The following NDUFA12 variants were observed in gnomAD, a reference collection of about 807,000 sequenced individuals.
The protein encoded by NDUFA12 is NADH dehydrogenase [ubiquinone] 1 alpha subcomplex subunit 12.
NDUFA12 carries 17 observed loss-of-function variants against 20.3 expected under a neutral mutation model. That is an observed-to-expected ratio of 0.84 (90% CI 0.57 to 1.26). The LOEUF is 1.26. Ranked by LOEUF, NDUFA12 falls within the 50% of genes most tolerant of loss-of-function variation. The pLI, the probability that NDUFA12 is intolerant of heterozygous loss-of-function variation, is 0.00. For missense variants in NDUFA12, 191 were observed against 183.7 expected (o/e 1.04, Z -0.23); for synonymous variants, 72 against 63.6 (o/e 1.13, Z -0.63).
chr12:95,003,567 G>A lies in NDUFA12; in HGVS notation c.86+28C>T, dbSNP rs1332965079. On this transcript the variant is annotated intron_variant, in intron 1 of 3. Coordinates refer to ENST00000327772, the MANE Select transcript of NDUFA12 (RefSeq NM_018838.5). ...CAGCCAGCGAAAGTCCAGCCCCAGA[G>A]GCCAAGAGCATGGCTCTGGCCGCCT... 3 of 1,611,662 alleles carry A rather than the reference G, an allele frequency of 1.9e-6. No homozygotes were observed. In the African/African-American group the frequency reaches 4.0e-5, roughly 22 times the overall value.
At chr12:94,985,626 CAAAAAAAA>C (rs35674364) in intron 3 of NDUFA12, among the ~76,000 whole-genome samples, 1 of 43,570 alleles carries the variant, frequency 2.3e-5, no homozygotes, top group Non-Finnish European at 4.3e-5. Context: ...GACTCCATCT[CAAAAAAAA>C]AAAAAAAAAA....
intron 2 of NDUFA12, among the ~76,000 whole-genome samples, chr12:95,002,009 A>C (rs1398317713): frequency 6.6e-6 from 1 of 151,562 alleles, no homozygotes; most frequent in Non-Finnish European, 1.5e-5. Context: ...AGCCGAATTA[A>C]TTGTTAAAAG....
At chr12:94,993,057 A>G (rs867656033) in intron 3 of NDUFA12, among the ~76,000 whole-genome samples, 1 of 152,222 alleles carries the variant, frequency 6.6e-6, no homozygotes, top group African/African-American at 2.4e-5. Context: ...AAATATTGCC[A>G]AGTTAAATAA....
intron 3 of NDUFA12, among the ~76,000 whole-genome samples, chr12:94,986,126 A>C (rs1467097312): frequency 6.7e-6 from 1 of 148,394 alleles, no homozygotes; most frequent in East Asian, 1.9e-4. Context: ...AGCTAGTCTC[A>C]GCTACTCAGG....
At chr12:94,998,614 T>C (rs1237947918) in intron 2 of NDUFA12, among the ~76,000 whole-genome samples, 2 of 152,170 alleles carry the variant, frequency 1.3e-5, no homozygotes, top group East Asian at 1.9e-4. Context: ...CTAGACCTGA[T>C]AAATAAATCC....
At chr12:94,980,739 T>C (rs11107835) in intron 3 of NDUFA12, among the ~76,000 whole-genome samples, 12,191 of 151,660 alleles carry the variant, frequency 0.08, 565 homozygotes, top group East Asian at 0.16. Context: ...TACTAAGAAA[T>C]GAACAGAAAG....
intron 3 of NDUFA12, among the ~76,000 whole-genome samples, chr12:94,979,134 A>C (rs1874152310): frequency 6.6e-6 from 1 of 151,736 alleles, no homozygotes; most frequent in South Asian, 2.1e-4. Context: ...AGGCTGAGGC[A>C]GGGGGGATGC....
chr12:94,973,946 C>G (rs7304912), intron 3 of NDUFA12, among the ~76,000 whole-genome samples: 1 of 145,906 alleles, frequency 6.9e-6, no homozygotes, highest in Non-Finnish European at 1.5e-5. Context: ...GAGAGTTTTA[C>G]TTGCAAAACA....
At chr12:95,001,312 A>G (rs147921544) in intron 2 of NDUFA12, among the ~76,000 whole-genome samples, 69 of 151,190 alleles carry the variant, frequency 4.6e-4, no homozygotes, top group Non-Finnish European at 7.2e-4. Context: ...CAAAATAACA[A>G]CAACAAAAAC....
chr12:94,987,047 C>T (rs1044125286), intron 3 of NDUFA12, among the ~76,000 whole-genome samples: 3 of 152,106 alleles, frequency 2.0e-5, no homozygotes, highest in African/African-American at 7.2e-5. Context: ...TAATTAATTT[C>T]AAAGGGAAAA....
chr12:94,979,849 AG>A (rs1168901601), intron 3 of NDUFA12, among the ~76,000 whole-genome samples: 2 of 151,406 alleles, frequency 1.3e-5, no homozygotes, highest in Non-Finnish European at 1.5e-5. Flanking sequence ...AAAAAAAAAA[AG>A]GATTAATGGA....
intron 3 of NDUFA12, 82 bp downstream of exon 3, chr12:94,994,088 C>T (rs928390418): frequency 6.5e-6 from 8 of 1,227,456 alleles, no homozygotes; most frequent in African/African-American, 1.5e-5. Flanking sequence ...CATGTCACTG[C>T]ACTCCAGCCT....
Position 94,971,596 on chromosome 12 carries a change from A to G in NDUFA12, c.282T>C (p.Thr94=), listed in dbSNP as rs1873887998. 6.2e-7 allele frequency: 1 copy of G among 1,614,064 alleles called. No individual in the cohort carries two copies. Among genetic ancestry groups the G allele is most frequent in the Non-Finnish European group, 8.5e-7 (1 of 1,180,040 alleles). ...GTGGTTTTGTTGTTGGAGGATCATC[A>G]GTCATACTGTGAAGCCAACGATGCC... is the stretch of plus-strand genomic sequence containing the variant. ...PEWHRWLHSM[T]DDPPTTKPLT... is the part of the protein sequence containing the mutation. The change falls in exon 4 of 4, where the codon ACT becomes ACC. Residue 94 remains threonine (T), a synonymous_variant. Coordinates refer to ENST00000327772, the MANE Select transcript of NDUFA12 (RefSeq NM_018838.5).
chr12:94,982,687 A>G (rs1351257916), intron 3 of NDUFA12, among the ~76,000 whole-genome samples: 1 of 152,088 alleles, frequency 6.6e-6, no homozygotes, highest in African/African-American at 2.4e-5. Flanking sequence ...ACCAGAGCCA[A>G]CGTCTCTAGT....
At chr12:94,991,136 A>G (rs1446128476) in intron 3 of NDUFA12, among the ~76,000 whole-genome samples, 1 of 152,052 alleles carries the variant, frequency 6.6e-6, no homozygotes, top group Admixed American at 6.5e-5. Context: ...ATACAAAAAA[A>G]TTAGCTGGGC....
chr12:94,998,665 T>C (rs1415426647), intron 2 of NDUFA12, among the ~76,000 whole-genome samples: 3 of 152,194 alleles, frequency 2.0e-5, no homozygotes, highest in Admixed American at 6.5e-5. Flanking sequence ...TACAAATCAG[T>C]AGCACAGCTA....
chr12:94,982,502 A>T (rs1814319), intron 3 of NDUFA12, among the ~76,000 whole-genome samples: 132,216 of 152,038 alleles, frequency 0.87, 57,582 homozygotes, highest in Admixed American at 0.91. Context: ...GGTCTCGATC[A>T]CCTGACCTCA....
intron 3 of NDUFA12, among the ~76,000 whole-genome samples, chr12:94,977,659 T>G (rs1304938676): frequency 2.0e-5 from 3 of 152,098 alleles, no homozygotes; most frequent in Non-Finnish European, 4.4e-5. Context: ...TCAGCTAAAG[T>G]GAAGAAAACT....
chr12:94,994,133 A>G, intron 3 of NDUFA12, 37 bp downstream of exon 3: 1 of 1,596,632 alleles, frequency 6.3e-7, no homozygotes, highest in Non-Finnish European at 8.6e-7. Context: ...CAAAAAAGAA[A>G]AAAAAGAAAG....
Sources: allele counts gnomAD v4.1 joint callset (sites outside exome capture counted in the v4.1 genomes callset), GRCh38; gene constraint gnomAD v4.1.1; transcripts MANE v1.5; gene names NCBI Gene and HGNC (gene_info 2026-07-23, HGNC 2026-07-21).